TMEM71: variants seen among roughly 807,000 people sequenced by gnomAD.
The protein encoded by TMEM71 is transmembrane protein 71.
A neutral mutation model predicts 38.0 loss-of-function variants in TMEM71; 44 were observed. The observed-to-expected ratio is 1.16, with a 90% CI of 0.91 to 1.49. The LOEUF is 1.49. Ranked by LOEUF, TMEM71 falls within the 40% of genes most tolerant of loss-of-function variation. The pLI, the probability that TMEM71 is intolerant of heterozygous loss-of-function variation, is 0.00. For missense variants in TMEM71, 367 were observed against 348.6 expected, an observed-to-expected ratio of 1.05 and a Z score of -0.42; for synonymous variants, 133 against 122.5, an observed-to-expected ratio of 1.09 and a Z score of -0.56.
At chr8:132,765,591 C>T (rs1182492864), upstream of TMEM71, among the ~76,000 whole-genome samples, 1 of 152,110 alleles carries the variant, frequency 6.6e-6, no homozygotes, top group Non-Finnish European at 1.5e-5. Flanking sequence ...TCTTTTGATA[C>T]TGACCAACTG....
intron 5 of TMEM71, among the ~76,000 whole-genome samples, chr8:132,743,812 C>T (rs1828185724): frequency 6.6e-6 from 1 of 152,120 alleles, no homozygotes; most frequent in African/African-American, 2.4e-5. Flanking sequence ...TGTTTCAAAC[C>T]ATGCATGCTA....
chr8:132,707,472 G>A (rs896435098), downstream of TMEM71, among the ~76,000 whole-genome samples: 2 of 152,152 alleles, frequency 1.3e-5, no homozygotes, highest in African/African-American at 4.8e-5. Flanking sequence ...AGGGGATTAG[G>A]TCATGAGGGC....
In TMEM71 at chr8:132,746,979, C is replaced by A. The variant is rs59930682; in HGVS notation, c.450G>T (p.Gly150=). The A allele has an allele frequency of 2.7e-4, 436 of 1,611,988 alleles. 1 individual carries two copies. The African/African-American group carries it at 5.5e-3, about 20-fold the overall frequency. Reference sequence around the variant, plus strand: ...AATGGTCTGTGTCCAACCTCCTGGTCCCCTTCAACCAGTTGTCTTCACTTG... The same window carrying A: ...AATGGTCTGTGTCCAACCTCCTGGTACCCTTCAACCAGTTGTCTTCACTTG... ...SSPSEDNWLK[G]TRRLDTDHCN... The change falls in exon 5 of 10, where the codon GGG becomes GGT. Residue 150 remains glycine (G), a synonymous_variant. Coordinates refer to ENST00000677595, the MANE Select transcript of TMEM71 (RefSeq NM_001382403.1).
chr8:132,731,711 G>A (rs1220465645), intron 5 of TMEM71, among the ~76,000 whole-genome samples: 3 of 152,134 alleles, frequency 2.0e-5, no homozygotes, highest in African/African-American at 7.2e-5. Context: ...TAGAGACAGG[G>A]ACAAAAGAAA....
intron 5 of TMEM71, among the ~76,000 whole-genome samples, chr8:132,740,817 A>G (rs1287495209): frequency 6.6e-6 from 1 of 152,174 alleles, no homozygotes; most frequent in Non-Finnish European, 1.5e-5. Context: ...CTTGGTTGAC[A>G]CTTGAGATTC....
At chr8:132,725,190 A>G (rs895434283) in intron 6 of TMEM71, among the ~76,000 whole-genome samples, 1 of 152,098 alleles carries the variant, frequency 6.6e-6, no homozygotes, top group Non-Finnish European at 1.5e-5. Context: ...GGCATGCACC[A>G]CTATGCCCAG....
chr8:132,741,939 G>A (rs1046420387), intron 5 of TMEM71, among the ~76,000 whole-genome samples: 22 of 152,182 alleles, frequency 1.4e-4, no homozygotes, highest in Non-Finnish European at 3.2e-4. Context: ...TTTTGCTACC[G>A]CTAAACCTCG....
intron 7 of TMEM71, among the ~76,000 whole-genome samples, chr8:132,718,446 G>A (rs898342088): frequency 3.0e-5 from 4 of 133,244 alleles, no homozygotes; most frequent in African/African-American, 1.2e-4. Flanking sequence ...TGCCCAGCCT[G>A]GAGTGCAGTG....
intron 6 of TMEM71, among the ~76,000 whole-genome samples, chr8:132,725,447 C>A (rs546142416): frequency 1.3e-5 from 2 of 152,238 alleles, no homozygotes; most frequent in African/African-American, 4.8e-5. Context: ...ACAGAGAATG[C>A]CAGGATCCTG....
At chr8:132,751,589 G>T (rs1413971120) in intron 4 of TMEM71, among the ~76,000 whole-genome samples, 196 bp downstream of exon 4, 1 of 151,666 alleles carries the variant, frequency 6.6e-6, no homozygotes, top group Non-Finnish European at 1.5e-5. Flanking sequence ...AAAGACAGTG[G>T]GTGAATAAAT....
the TMEM71 span, among the ~76,000 whole-genome samples, chr8:132,773,144 T>G: frequency 6.6e-6 from 1 of 152,200 alleles, no homozygotes; most frequent in Non-Finnish European, 1.5e-5. Flanking sequence ...GGGCAATTCT[T>G]CAAGGTATGG....
chr8:132,734,805 T>C (rs1586794279), intron 5 of TMEM71, among the ~76,000 whole-genome samples: 1 of 152,356 alleles, frequency 6.6e-6, no homozygotes, highest in East Asian at 1.9e-4. Flanking sequence ...CTAGTTGTAT[T>C]ATTGTTGAAG....
At chr8:132,757,548 C>T (rs934748028) in intron 2 of TMEM71, among the ~76,000 whole-genome samples, 1 of 152,014 alleles carries the variant, frequency 6.6e-6, no homozygotes, top group Non-Finnish European at 1.5e-5. Flanking sequence ...CTAGAAGTTC[C>T]GGGCGCAGTG....
intron 4 of TMEM71, among the ~76,000 whole-genome samples, chr8:132,750,105 CTACCTA>C (rs1828621173): frequency 1.3e-5 from 2 of 152,008 alleles, no homozygotes; most frequent in South Asian, 4.2e-4. Context: ...CTATAGGTTA[CTACCTA>C]TACCATCTTA....
intron 3 of TMEM71, among the ~76,000 whole-genome samples, chr8:132,753,158 T>C (rs1337260261): frequency 6.6e-6 from 1 of 152,038 alleles, no homozygotes; most frequent in Non-Finnish European, 1.5e-5. Flanking sequence ...AATTATTTTA[T>C]ACATTACTGG....
At chr8:132,772,245 A>C in the TMEM71 span, among the ~76,000 whole-genome samples, 1 of 152,210 alleles carries the variant, frequency 6.6e-6, no homozygotes, top group Non-Finnish European at 1.5e-5. Context: ...TCATATTTTT[A>C]ATGTTGGAGG....
intron 5 of TMEM71, among the ~76,000 whole-genome samples, chr8:132,730,918 C>T (rs1280994308): frequency 1.3e-5 from 2 of 152,038 alleles, no homozygotes; most frequent in Non-Finnish European, 2.9e-5. Flanking sequence ...TGTGCATGTA[C>T]ACATGAGTCA....
chr8:132,759,599 T>G (rs1394917044), intron 1 of TMEM71, among the ~76,000 whole-genome samples: 2 of 152,246 alleles, frequency 1.3e-5, no homozygotes, highest in Non-Finnish European at 2.9e-5. Context: ...CATTTACTGT[T>G]CATCAAATAG....
chr8:132,754,227 T>C (rs1174097437), intron 3 of TMEM71, among the ~76,000 whole-genome samples: 1 of 152,180 alleles, frequency 6.6e-6, no homozygotes, highest in African/African-American at 2.4e-5. Flanking sequence ...TTCTTTTTTT[T>C]CCCTCCAGTT....
Sources: gnomAD v4.1 joint callset for allele counts (sites outside exome capture counted in the v4.1 genomes callset) on GRCh38, gnomAD v4.1.1 for gene constraint, MANE v1.5 for transcripts, NCBI Gene and HGNC (gene_info 2026-07-23, HGNC 2026-07-21) for gene names.